Variants in EYS observed in about 807,000 individuals in gnomAD.
EYS encodes EGF-like photoreceptor maintenance factor.
In EYS, 250 loss-of-function variants were observed where a neutral mutation model predicts 282.1. The observed-to-expected ratio is 0.89, with a 90% confidence interval of 0.80 to 0.98. EYS has a LOEUF of 0.98. Among genes scored for constraint, EYS ranks in the 50% least tolerant of loss-of-function variants. The pLI, the probability that EYS is intolerant of heterozygous loss-of-function variation, is 0.00. For missense variants in EYS, 4,016 were observed against 3,709.0 expected (o/e 1.08, Z -2.15); for synonymous variants, 1,355 against 1,282.9 (o/e 1.06, Z -1.20).
chr6:64,863,118 G>C (rs982903049), intron 19 of EYS, among the ~76,000 whole-genome samples: 2 of 151,746 alleles, frequency 1.3e-5, no homozygotes, highest in African/African-American at 4.9e-5. Context: ...TAGGTTACTG[G>C]GTCTATACAT....
chr6:65,642,805 T>G, intron 1 of EYS, among the ~76,000 whole-genome samples: 1 of 152,220 alleles, frequency 6.6e-6, no homozygotes. Flanking sequence ...TTAGAAGTTT[T>G]TAATAGAATT....
At chr6:64,257,840 A>G (rs1476408840) in intron 30 of EYS, among the ~76,000 whole-genome samples, 4 of 151,964 alleles carry the variant, frequency 2.6e-5, no homozygotes, top group Non-Finnish European at 4.4e-5. Flanking sequence ...CATTATTCCA[A>G]TTTTACACTG....
At chr6:65,135,438 T>C (rs1048600299) in intron 12 of EYS, among the ~76,000 whole-genome samples, 1 of 152,016 alleles carries the variant, frequency 6.6e-6, no homozygotes, top group Non-Finnish European at 1.5e-5. Context: ...AGAAGACCTG[T>C]AGTTTAAATG....
At chr6:64,515,099 T>C (rs1282350353) in intron 26 of EYS, among the ~76,000 whole-genome samples, 1 of 151,788 alleles carries the variant, frequency 6.6e-6, no homozygotes, top group Non-Finnish European at 1.5e-5. Flanking sequence ...GTTCAGTTAC[T>C]TGTACCTTGA....
chr6:64,807,118 C>A (rs1299629803), intron 22 of EYS, among the ~76,000 whole-genome samples: 1 of 152,042 alleles, frequency 6.6e-6, no homozygotes, highest in Non-Finnish European at 1.5e-5. Context: ...TTACACTGAA[C>A]AAAGTCATTA....
intron 8 of EYS, among the ~76,000 whole-genome samples, chr6:65,369,329 TTTA>T (rs1421922239): frequency 3.5e-5 from 5 of 142,724 alleles, no homozygotes; most frequent in South Asian, 2.1e-4. Flanking sequence ...TATATATATA[TTTA>T]TATATATATA....
intron 14 of EYS, among the ~76,000 whole-genome samples, chr6:64,976,775 C>G (rs965047556): frequency 6.6e-6 from 1 of 151,936 alleles, no homozygotes; most frequent in Non-Finnish European, 1.5e-5. Context: ...AACTATGTTT[C>G]TGTCACTAAT....
At chr6:65,578,350 C>A (rs575027520) in intron 2 of EYS, among the ~76,000 whole-genome samples, 8 of 151,536 alleles carry the variant, frequency 5.3e-5, no homozygotes, top group African/African-American at 7.3e-5. Flanking sequence ...ACTGCATGAT[C>A]CTACTTACAT....
intron 12 of EYS, among the ~76,000 whole-genome samples, chr6:65,280,158 C>A (rs775268059): frequency 2.6e-5 from 4 of 152,098 alleles, no homozygotes; most frequent in Non-Finnish European, 4.4e-5. Flanking sequence ...ACCTACTAAA[C>A]AGCATCTCTA....
chr6:64,490,994 A>T (rs1314421075), intron 26 of EYS, among the ~76,000 whole-genome samples: 2 of 150,832 alleles, frequency 1.3e-5, no homozygotes, highest in African/African-American at 4.8e-5. Context: ...TAAAAATTGC[A>T]CAAAGTCTAC....
intron 18 of EYS, among the ~76,000 whole-genome samples, chr6:64,893,791 C>T (rs1398973814): frequency 6.6e-6 from 1 of 151,312 alleles, no homozygotes; most frequent in Admixed American, 6.6e-5. Context: ...CATATTTGAT[C>T]TGTCATATAT....
intron 36 of EYS, among the ~76,000 whole-genome samples, chr6:63,817,514 G>A (rs140520558): frequency 3.9e-5 from 6 of 152,246 alleles, no homozygotes; most frequent in Non-Finnish European, 7.4e-5. Context: ...GGAGGGGAGA[G>A]GGGAGAAATT....
At chr6:65,480,437 A>C (rs1178600490) in intron 5 of EYS, among the ~76,000 whole-genome samples, 2 of 152,126 alleles carry the variant, frequency 1.3e-5, no homozygotes, top group Non-Finnish European at 2.9e-5. Context: ...AAACCAGAGA[A>C]GCAACATATT....
intron 24 of EYS, among the ~76,000 whole-genome samples, chr6:64,605,913 T>C (rs1350118135): frequency 1.3e-5 from 2 of 152,018 alleles, no homozygotes; most frequent in Non-Finnish European, 2.9e-5. Context: ...GAAGCTTTTC[T>C]TAAGTCACAG....
chr6:65,411,668 G>T (rs1201386154), intron 5 of EYS, among the ~76,000 whole-genome samples: 1 of 151,838 alleles, frequency 6.6e-6, no homozygotes, highest in South Asian at 2.1e-4. Context: ...GACAACCATC[G>T]ATTTTCTCCA....
intron 14 of EYS, among the ~76,000 whole-genome samples, chr6:64,953,091 C>T (rs1414073975): frequency 6.6e-6 from 1 of 151,764 alleles, no homozygotes; most frequent in East Asian, 1.9e-4. Flanking sequence ...TCATTACAAT[C>T]AACCAAAAGC....
chr6:64,428,611 TAA>T (rs1361669461), intron 28 of EYS, among the ~76,000 whole-genome samples: 1 of 152,154 alleles, frequency 6.6e-6, no homozygotes, highest in African/African-American at 2.4e-5. Context: ...TTTGTTTCCA[TAA>T]GTTGTTGAGC....
At chr6:65,564,903 T>A (rs1424246004) in intron 2 of EYS, among the ~76,000 whole-genome samples, 3 of 150,456 alleles carry the variant, frequency 2.0e-5, no homozygotes, top group African/African-American at 7.4e-5. Flanking sequence ...ATATCCAGAA[T>A]CTACAAGGAA....
At chr6:65,217,267 T>C (rs1050825285) in intron 12 of EYS, among the ~76,000 whole-genome samples, 1 of 152,122 alleles carries the variant, frequency 6.6e-6, no homozygotes, top group Non-Finnish European at 1.5e-5. Flanking sequence ...TGTTTTAACC[T>C]GAATAAATTT....
Sources: gnomAD v4.1 joint callset for allele counts (sites outside exome capture counted in the v4.1 genomes callset) on GRCh38, gnomAD v4.1.1 for gene constraint, MANE v1.5 for transcripts, NCBI Gene and HGNC (gene_info 2026-07-23, HGNC 2026-07-21) for gene names.